The following CSMD1 variants were observed in gnomAD, a reference collection of about 807,000 sequenced individuals.
CSMD1 encodes CUB and sushi domain-containing protein 1.
A neutral mutation model predicts 417.5 loss-of-function variants in CSMD1; 213 were observed. That is an observed-to-expected ratio of 0.51 (90% CI 0.46 to 0.57). The LOEUF (loss-of-function observed/expected upper bound fraction) is 0.57, where lower values mean the gene tolerates loss of function less well. Among genes scored for constraint, CSMD1 ranks in the 20% least tolerant of loss-of-function variants. The probability of loss-of-function intolerance (pLI) is 0.00; values close to 1 mark genes in which losing one functional copy is unlikely to be tolerated. For missense variants in CSMD1, 6,923 were observed against 4,529.7 expected, an observed-to-expected ratio of 1.53 and a Z score of -15.17; for synonymous variants, 2,862 against 1,736.8, an observed-to-expected ratio of 1.65 and a Z score of -16.11.
chr8:3,602,223 A>C (rs563867307), intron 8 of CSMD1, among the ~76,000 whole-genome samples: 1 of 152,224 alleles, frequency 6.6e-6, no homozygotes, highest in African/African-American at 2.4e-5. Context: ...CTGACCAATT[A>C]AACCAGAACC....
chr8:4,115,025 G>A (rs142063789), intron 3 of CSMD1, among the ~76,000 whole-genome samples: 19 of 152,306 alleles, frequency 1.2e-4, no homozygotes, highest in East Asian at 1.2e-3. Flanking sequence ...CAGAAGCATG[G>A]TTTGAAAGAA....
At chr8:2,949,762 G>T (rs1802499722) in intron 67 of CSMD1, among the ~76,000 whole-genome samples, 1 of 152,148 alleles carries the variant, frequency 6.6e-6, no homozygotes, top group Admixed American at 6.6e-5. Context: ...CATCATGTAT[G>T]GCTGTCTACC....
At chr8:4,390,241 TG>T (rs1468749098) in intron 3 of CSMD1, among the ~76,000 whole-genome samples, 1 of 152,132 alleles carries the variant, frequency 6.6e-6, no homozygotes, top group African/African-American at 2.4e-5. Context: ...GCCTTCTTCT[TG>T]GGGAAAAAGA....
At chr8:3,754,441 TTTA>T (rs1255118071) in intron 5 of CSMD1, among the ~76,000 whole-genome samples, 3 of 113,650 alleles carry the variant, frequency 2.6e-5, no homozygotes, top group African/African-American at 9.4e-5. Flanking sequence ...TCCTTATTTA[TTTA>T]TTTATTTATT....
At chr8:4,088,222 C>T (rs1389908430) in intron 3 of CSMD1, among the ~76,000 whole-genome samples, 2 of 152,128 alleles carry the variant, frequency 1.3e-5, no homozygotes, top group East Asian at 3.9e-4. Context: ...TGATCTCTGC[C>T]TTCCTGGCTC....
At chr8:4,234,428 C>A (rs181758426) in intron 3 of CSMD1, among the ~76,000 whole-genome samples, 3 of 152,126 alleles carry the variant, frequency 2.0e-5, no homozygotes, top group Non-Finnish European at 4.4e-5. Flanking sequence ...TCCATGGAAA[C>A]TACCTTTGCT....
chr8:3,450,858 A>T (rs10105088), intron 12 of CSMD1, among the ~76,000 whole-genome samples: 74,074 of 150,244 alleles, frequency 0.49, 18,796 homozygotes, highest in Middle Eastern at 0.57. Flanking sequence ...TCAAATGGTA[A>T]TTCTAGTTCT....
At chr8:3,403,340 T>C (rs542073799) in intron 15 of CSMD1, among the ~76,000 whole-genome samples, 12 of 152,302 alleles carry the variant, frequency 7.9e-5, no homozygotes, top group African/African-American at 1.9e-4. Context: ...CTTCTGAAAG[T>C]TGGCTTTCTA....
intron 23 of CSMD1, among the ~76,000 whole-genome samples, chr8:3,330,940 A>G (rs1278593965): frequency 6.6e-6 from 1 of 152,196 alleles, no homozygotes; most frequent in Non-Finnish European, 1.5e-5. Flanking sequence ...CTTAAATAAA[A>G]TATTTCAAAT....
chr8:4,699,816 T>C (rs75528673), intron 1 of CSMD1, among the ~76,000 whole-genome samples: 1,964 of 152,276 alleles, frequency 0.013, 50 homozygotes, highest in African/African-American at 0.044. Flanking sequence ...AATGAACAGG[T>C]CTTGCCGATG....
intron 1 of CSMD1, among the ~76,000 whole-genome samples, chr8:4,853,057 C>A (rs535832474): frequency 6.6e-6 from 1 of 152,260 alleles, no homozygotes; most frequent in Non-Finnish European, 1.5e-5. Flanking sequence ...GGAAGCAGAG[C>A]ATAAACATTT....
intron 12 of CSMD1, among the ~76,000 whole-genome samples, chr8:3,451,333 G>T (rs566979430): frequency 6.6e-6 from 1 of 152,294 alleles, no homozygotes; most frequent in African/African-American, 2.4e-5. Flanking sequence ...GATCCCATGT[G>T]TCAATTTTGG....
chr8:4,180,887 T>G (rs1798333443), intron 3 of CSMD1, among the ~76,000 whole-genome samples: 1 of 152,192 alleles, frequency 6.6e-6, no homozygotes, highest in Non-Finnish European at 1.5e-5. Context: ...TTGTAATTAC[T>G]GTGCATTGGT....
chr8:4,749,586 C>G (rs1325968696), intron 1 of CSMD1, among the ~76,000 whole-genome samples: 4 of 152,162 alleles, frequency 2.6e-5, no homozygotes, highest in Non-Finnish European at 5.9e-5. Flanking sequence ...TGTCAATGAT[C>G]TTGTACAGAG....
intron 6 of CSMD1, among the ~76,000 whole-genome samples, chr8:3,726,042 T>C (rs1040686966): frequency 6.6e-6 from 1 of 152,160 alleles, no homozygotes; most frequent in African/African-American, 2.4e-5. Flanking sequence ...TGAAGAATTA[T>C]GCAGCTCTCA....
chr8:3,630,590 C>G (rs980736423), intron 7 of CSMD1, among the ~76,000 whole-genome samples: 3 of 152,188 alleles, frequency 2.0e-5, no homozygotes, highest in African/African-American at 7.2e-5. Context: ...TGAAGTCATT[C>G]AGACAGAAGG....
At chr8:2,989,597 T>C (rs61563169) in intron 54 of CSMD1, among the ~76,000 whole-genome samples, 1,976 of 152,302 alleles carry the variant, frequency 0.013, 44 homozygotes, top group African/African-American at 0.045. Flanking sequence ...TTAAAATGCA[T>C]CAACGAATTT....
chr8:4,525,224 T>C (rs1379067034), intron 2 of CSMD1, among the ~76,000 whole-genome samples: 2 of 152,090 alleles, frequency 1.3e-5, no homozygotes, highest in African/African-American at 4.8e-5. Flanking sequence ...GAAGAAGTGG[T>C]CCTTTAGAGA....
chr8:3,517,581 C>G (rs899812119), intron 10 of CSMD1, among the ~76,000 whole-genome samples: 1 of 152,154 alleles, frequency 6.6e-6, no homozygotes, highest in Admixed American at 6.5e-5. Context: ...CTGTCCTCTG[C>G]AATACCAAAT....
Sources: gnomAD v4.1 joint callset for allele counts (sites outside exome capture counted in the v4.1 genomes callset) on GRCh38, gnomAD v4.1.1 for gene constraint, MANE v1.5 for transcripts, NCBI Gene and HGNC (gene_info 2026-07-23, HGNC 2026-07-21) for gene names.